Variants in IRAG2 observed in about 807,000 individuals in gnomAD.
IRAG2 encodes inositol 1,4,5-triphosphate receptor associated 2, also known as lymphoid restricted membrane protein.
Under a neutral mutation model 69.9 loss-of-function variants are expected in IRAG2, and 45 were observed. The observed-to-expected ratio is 0.64, with a 90% CI of 0.51 to 0.83. The LOEUF (loss-of-function observed/expected upper bound fraction) is 0.83, where lower values mean the gene tolerates loss of function less well. Ranked by LOEUF, IRAG2 falls within the 40% of genes least tolerant of loss-of-function variation. The pLI is 0.00. For synonymous variants in IRAG2, 193 were observed against 202.4 expected, an observed-to-expected ratio of 0.95 and a Z score of 0.40; for missense variants, 520 against 587.0, an observed-to-expected ratio of 0.89 and a Z score of 1.18.
intron 3 of IRAG2, among the ~76,000 whole-genome samples, chr12:25,014,965 A>G (rs1467041363): frequency 6.6e-6 from 1 of 151,964 alleles, no homozygotes; most frequent in Non-Finnish European, 1.5e-5. Flanking sequence ...CTAGGAACAC[A>G]GACTATTTTC....
chr12:25,017,229 C>A (rs1446790415), exon 6 of IRAG2: 2 of 1,232,114 alleles, frequency 1.6e-6, no homozygotes, highest in Non-Finnish European at 1.0e-6. Flanking sequence ...GCTTTAGAAA[C>A]CCTGGAAGAA....
chr12:25,079,415 C>T lies in IRAG2; in HGVS notation c.89C>T (p.Pro30Leu), dbSNP rs865886696. The change falls in exon 8 of 22, where the codon CCA (proline) becomes CTA (leucine). Residue 30 changes from proline to leucine, a missense_variant. By Grantham distance (98) the Pro-to-Leu change is moderately conservative (BLOSUM62 -3). Coordinates refer to ENST00000556887, the MANE Select transcript of IRAG2 (RefSeq NM_001366544.2). Reference protein sequence around the residue: ...LLQSREYSSLPLPRHTSSTDG... With the variant: ...LLQSREYSSLLLPRHTSSTDG... ...TTTGGCAGGGAATATTCCTCACTAC[C>T]ATTACCCAGACACACTTCATCGACA... The T allele has an allele frequency of 3.7e-6, 6 of 1,613,558 alleles. No homozygotes were observed. The highest frequency in any genetic ancestry group is 5.1e-6 in the Non-Finnish European group (6 of 1,179,626).
At chr12:25,024,055 T>G (rs1944604109) in intron 8 of IRAG2, 1 of 414,862 alleles carries the variant, frequency 2.4e-6, no homozygotes, top group Admixed American at 4.4e-5. Context: ...CTTGTCAAAT[T>G]ACAAGTGAGG....
chr12:25,080,434 C>T (rs1947123455), intron 9 of IRAG2, among the ~76,000 whole-genome samples: 1 of 151,028 alleles, frequency 6.6e-6, no homozygotes, highest in South Asian at 2.1e-4. Flanking sequence ...TCACTACAAG[C>T]TCCGCCTCCC....
At chr12:25,100,000 GAAAAAAAAAAAA>G (rs56728551) in intron 15 of IRAG2, among the ~76,000 whole-genome samples, 2 of 25,674 alleles carry the variant, frequency 7.8e-5, no homozygotes, top group South Asian at 1.7e-3. Context: ...GACTCCATCT[GAAAAAAAAAAAA>G]AAAAAAAAAA....
intron 6 of IRAG2, chr12:25,076,629 T>A (rs1946706740): frequency 1.0e-6 from 1 of 981,928 alleles, no homozygotes; most frequent in Admixed American, 6.2e-5. Flanking sequence ...TGAATACCCA[T>A]GATCTTGACA....
At position 25,041,669 on chromosome 12, in the gene IRAG2, T is replaced by TG. The variant is rs1249575167; in HGVS notation, c.2144+3532_2144+3533insG. On this transcript the variant is annotated intron_variant, in intron 16 of 38. Coordinates refer to the IRAG2 transcript ENST00000636465. ...TATGCTCCGCTAAGTTTTGTTTTTT[T>TG]TTGTTTTTTTTTTTTTCAGTAGAGA... Among the ~76,000 whole-genome samples, 7 of 107,208 alleles carry TG rather than the reference T, an allele frequency of 6.5e-5. No homozygotes were observed. The East Asian group carries it at 2.0e-3, about 31-fold the overall frequency. 70.3% of individuals were successfully genotyped at this position (107,208 alleles called of 152,430 possible). A position where few individuals can be genotyped will look rare whatever the true frequency, so the allele number is the denominator to read the frequency against.
chr12:25,056,030 T>C (rs1032921739), intron 1 of IRAG2, among the ~76,000 whole-genome samples: 2 of 152,212 alleles, frequency 1.3e-5, no homozygotes, highest in African/African-American at 4.8e-5. Flanking sequence ...AACTCTGATA[T>C]AGCATAATTT....
chr12:25,069,095 G>A (rs1049652462), intron 5 of IRAG2, among the ~76,000 whole-genome samples: 1 of 152,184 alleles, frequency 6.6e-6, no homozygotes, highest in Non-Finnish European at 1.5e-5. Context: ...CTTCTATATT[G>A]AGGGTGAGGA....
upstream of IRAG2, among the ~76,000 whole-genome samples, chr12:25,000,724 G>A (rs559766876): frequency 7.7e-4 from 117 of 152,358 alleles, no homozygotes; most frequent in African/African-American, 2.8e-3. Flanking sequence ...TTATCTACAA[G>A]TGTACCATCT....
intron 7 of IRAG2, among the ~76,000 whole-genome samples, chr12:25,022,921 T>C (rs1362727362): frequency 6.6e-6 from 1 of 151,936 alleles, no homozygotes; most frequent in African/African-American, 2.4e-5. Context: ...GGGTCAGGAG[T>C]TCGAGGCCAG....
intron 15 of IRAG2, among the ~76,000 whole-genome samples, chr12:25,099,827 C>T (rs1948640814): frequency 6.6e-6 from 1 of 151,538 alleles, no homozygotes; most frequent in Non-Finnish European, 1.5e-5. Flanking sequence ...TGGTAAAACC[C>T]CGTCTCTACT....
At chr12:25,060,674 T>C (rs2012462) in intron 1 of IRAG2, among the ~76,000 whole-genome samples, 55 of 132,152 alleles carry the variant, frequency 4.2e-4, no homozygotes, top group South Asian at 1.3e-3. Flanking sequence ...TTTTCTTTTT[T>C]TTTTTTTTTT....
intron 9 of IRAG2, among the ~76,000 whole-genome samples, chr12:25,027,552 A>G (rs1944633422): frequency 6.6e-6 from 1 of 150,906 alleles, no homozygotes; most frequent in South Asian, 2.1e-4. Context: ...CCGCCACCAC[A>G]CCCAGCTAAT....
At chr12:25,023,816 G>A in intron 7 of IRAG2, 2 of 917,202 alleles carry the variant, frequency 2.2e-6, no homozygotes, top group Non-Finnish European at 2.9e-6. Context: ...TAAATATGTG[G>A]TATTTTCATA....
chr12:25,065,048 C>G (rs1387289094), intron 4 of IRAG2, among the ~76,000 whole-genome samples: 1 of 151,746 alleles, frequency 6.6e-6, no homozygotes, highest in African/African-American at 2.4e-5. Context: ...CGAGATTGTA[C>G]CATCACATTC....
intron 7 of IRAG2, among the ~76,000 whole-genome samples, chr12:25,023,005 A>G (rs1944593951): frequency 6.6e-6 from 1 of 152,072 alleles, no homozygotes; most frequent in African/African-American, 2.4e-5. Context: ...AAGTGCCTGT[A>G]AGTCTGGCTA....
chr12:25,012,429 A>G (rs1944484125), intron 3 of IRAG2, among the ~76,000 whole-genome samples: 1 of 150,130 alleles, frequency 6.7e-6, no homozygotes, highest in African/African-American at 2.4e-5. Flanking sequence ...TGCTGGGATT[A>G]CAGGTGTGAG....
At position 25,053,878 on chromosome 12, in the gene IRAG2, C is replaced by T. The variant is rs144169330; in HGVS notation, c.-447+922C>T. 1.6e-3 allele frequency among the ~76,000 whole-genome samples: 242 copies of T among 151,590 alleles called. 6 individuals are homozygous for T. The East Asian group carries it at 0.043, about 27-fold the overall frequency. On this transcript the variant is annotated intron_variant, in intron 1 of 21. Transcript: ENST00000556887. ...TTGTGTTTGTTTTGGATTTATTGTACCCTTTCTACTATTATCTGAGAAAGC... is the reference window on the plus strand; with the variant it reads ...TTGTGTTTGTTTTGGATTTATTGTATCCTTTCTACTATTATCTGAGAAAGC...
Sources: gnomAD v4.1 joint callset for allele counts (sites outside exome capture counted in the v4.1 genomes callset) on GRCh38, gnomAD v4.1.1 for gene constraint, MANE v1.5 for transcripts, NCBI Gene and HGNC (gene_info 2026-07-23, HGNC 2026-07-21) for gene names.